ENTREP2: variants seen among roughly 807,000 people sequenced by gnomAD.
The protein encoded by ENTREP2 is endosomal transmembrane epsin interactor 2.
the ENTREP2 span, among the ~76,000 whole-genome samples, chr15:29,480,338 CAAAAAAAAAAA>C: frequency 7.5e-4 from 22 of 29,432 alleles, no homozygotes; most frequent in South Asian, 2.6e-3. Flanking sequence ...TTCACTATAG[CAAAAAAAAAAA>C]AAAAAAAAAA....
the ENTREP2 span, among the ~76,000 whole-genome samples, chr15:29,336,211 CTG>C: frequency 6.6e-6 from 1 of 150,560 alleles, no homozygotes; most frequent in Non-Finnish European, 1.5e-5. Flanking sequence ...CTTGTCCAAA[CTG>C]TGAGTTCACA....
the ENTREP2 span, among the ~76,000 whole-genome samples, chr15:29,573,942 A>C: frequency 6.6e-6 from 1 of 152,170 alleles, no homozygotes; most frequent in African/African-American, 2.4e-5. Flanking sequence ...CAATTTGGAG[A>C]TATAAATAGG....
At chr15:29,139,667 G>A in the ENTREP2 span, among the ~76,000 whole-genome samples, 1 of 152,178 alleles carries the variant, frequency 6.6e-6, no homozygotes, top group Non-Finnish European at 1.5e-5. Context: ...GCCACACACT[G>A]GAGGCTATGT....
chr15:29,439,209 C>G, the ENTREP2 span, among the ~76,000 whole-genome samples: 2 of 151,194 alleles, frequency 1.3e-5, no homozygotes, highest in African/African-American at 2.4e-5. Context: ...ACATAAGCAG[C>G]TGATGGTAGG....
the ENTREP2 span, among the ~76,000 whole-genome samples, chr15:29,332,097 CAA>C: frequency 2.6e-5 from 4 of 152,094 alleles, no homozygotes; most frequent in African/African-American, 9.7e-5. Flanking sequence ...GCTCAATAGG[CAA>C]AACTACAGAC....
At chr15:29,637,516 G>A in the ENTREP2 span, among the ~76,000 whole-genome samples, 1 of 152,186 alleles carries the variant, frequency 6.6e-6, no homozygotes, top group Non-Finnish European at 1.5e-5. Context: ...GGATGTGTGA[G>A]GTTATGACAG....
At chr15:29,584,410 A>G in the ENTREP2 span, among the ~76,000 whole-genome samples, 1 of 150,542 alleles carries the variant, frequency 6.6e-6, no homozygotes, top group East Asian at 2.0e-4. Context: ...CCATTGATGG[A>G]TGAAGGAATT....
chr15:29,238,528 G>A, the ENTREP2 span, among the ~76,000 whole-genome samples: 7 of 152,122 alleles, frequency 4.6e-5, no homozygotes, highest in Middle Eastern at 6.8e-3. Flanking sequence ...CCAGCTACTC[G>A]GGAGGCTGAG....
At chr15:29,241,146 T>C in the ENTREP2 span, among the ~76,000 whole-genome samples, 7 of 152,204 alleles carry the variant, frequency 4.6e-5, no homozygotes, top group African/African-American at 9.6e-5. Context: ...AGTGCCTGAC[T>C]ATATCTAAAT....
the ENTREP2 span, among the ~76,000 whole-genome samples, chr15:29,327,064 T>A: frequency 6.6e-6 from 1 of 151,850 alleles, no homozygotes; most frequent in Non-Finnish European, 1.5e-5. Context: ...AAAAATTATA[T>A]CAAAAGGGAT....
At chr15:29,124,518 C>T in the ENTREP2 span, among the ~76,000 whole-genome samples, 855 of 152,174 alleles carry the variant, frequency 5.6e-3, 13 homozygotes, top group African/African-American at 0.019. Flanking sequence ...ATAAGTGCAC[C>T]GAGAGACAAA....
At chr15:29,655,602 A>G in the ENTREP2 span, among the ~76,000 whole-genome samples, 4 of 152,258 alleles carry the variant, frequency 2.6e-5, no homozygotes, top group Admixed American at 1.3e-4. Context: ...GAAATTTAAG[A>G]TAACTATTAT....
At chr15:29,575,288 A>G in the ENTREP2 span, among the ~76,000 whole-genome samples, 1 of 152,206 alleles carries the variant, frequency 6.6e-6, no homozygotes. Flanking sequence ...AAAGAAAGAT[A>G]TTATCATTCT....
the ENTREP2 span, among the ~76,000 whole-genome samples, chr15:29,165,485 TGAAAC>T: frequency 1.3e-5 from 2 of 151,888 alleles, no homozygotes; most frequent in African/African-American, 4.8e-5. Flanking sequence ...CATTAAGAAA[TGAAAC>T]AGGAGATATT....
the ENTREP2 span, among the ~76,000 whole-genome samples, chr15:29,569,322 G>A: frequency 1.6e-4 from 25 of 152,118 alleles, no homozygotes; most frequent in African/African-American, 5.8e-4. Context: ...TGTTCCAGAG[G>A]CAATTTTGCT....
the ENTREP2 span, among the ~76,000 whole-genome samples, chr15:29,643,780 C>CAAAAAA: frequency 2.9e-5 from 2 of 70,106 alleles, no homozygotes; most frequent in African/African-American, 8.1e-5. Flanking sequence ...GACTCTGTCT[C>CAAAAAA]AAAAAAAAAA....
At chr15:29,506,118 C>G in the ENTREP2 span, among the ~76,000 whole-genome samples, 2 of 151,976 alleles carry the variant, frequency 1.3e-5, no homozygotes, top group African/African-American at 2.4e-5. Flanking sequence ...GAAGCATACA[C>G]AAGTATCAGT....
At chr15:29,158,480 A>G in the ENTREP2 span, among the ~76,000 whole-genome samples, 1 of 143,742 alleles carries the variant, frequency 7.0e-6, no homozygotes, top group Non-Finnish European at 1.5e-5. Flanking sequence ...ATCTCGGCTC[A>G]CTGCAACCTC....
the ENTREP2 span, among the ~76,000 whole-genome samples, chr15:29,521,948 AATCTCTACTGCAGAAATAG>A: frequency 6.6e-6 from 1 of 152,200 alleles, no homozygotes; most frequent in Admixed American, 6.5e-5. Flanking sequence ...AATACAGTAT[AATCTCTACTGCAGAAATAG>A]ATCCACACAT....
Sources: gnomAD v4.1 joint callset for allele counts (sites outside exome capture counted in the v4.1 genomes callset) on GRCh38, gnomAD v4.1.1 for gene constraint, MANE v1.5 for transcripts, NCBI Gene and HGNC (gene_info 2026-07-23, HGNC 2026-07-21) for gene names.